Variants in ZNF257 observed in about 807,000 individuals in gnomAD.
ZNF257 encodes zinc finger protein 257.
Under a neutral mutation model 11.9 loss-of-function variants are expected in ZNF257, and 12 were observed. That is an observed-to-expected ratio of 1.01 (90% CI 0.65 to 1.63). The LOEUF (loss-of-function observed/expected upper bound fraction) is 1.63, where lower values mean the gene tolerates loss of function less well. Among genes scored for constraint, ZNF257 ranks in the 40% most tolerant of loss-of-function variants. The probability of loss-of-function intolerance (pLI) is 0.00; values close to 1 mark genes in which losing one functional copy is unlikely to be tolerated. For missense variants in ZNF257, 580 were observed against 665.5 expected (o/e 0.87, Z 1.41); for synonymous variants, 183 against 222.7 (o/e 0.82, Z 1.59).
rs1025045319 is a variant in ZNF257, at chr19:22,090,958, G to T, written c.*1516G>T. The stretch of plus-strand genomic sequence containing the variant: ...AGTCTAAGTGAAGAGGTTCTTTGTG[G>T]TTAACTTAGTGATGTATGAAGTAGT... On this transcript the variant is annotated 3_prime_UTR_variant, in exon 4 of 4. Coordinates refer to ENST00000594947, the MANE Select transcript of ZNF257 (RefSeq NM_033468.4). The T allele has an allele frequency of 6.6e-6, 1 of 152,090 alleles. No individual in the cohort carries two copies. The highest frequency in any genetic ancestry group is 6.6e-5 in the Admixed American group (1 of 15,262). The allele number at this position is 152,090 out of a possible 1,614,324, so 9.4% of individuals were successfully genotyped here.
intron 2 of ZNF257, 136 bp downstream of exon 2, chr19:22,073,071 C>A: frequency 9.3e-7 from 1 of 1,080,402 alleles, no homozygotes; most frequent in Non-Finnish European, 1.3e-6. Flanking sequence ...AGTTTCATAT[C>A]CCTGTTTTCA....
chr19:22,060,284 A>T (rs539187749), intron 1 of ZNF257, among the ~76,000 whole-genome samples: 1 of 152,314 alleles, frequency 6.6e-6, no homozygotes, highest in South Asian at 2.1e-4. Flanking sequence ...GTGTATAAGC[A>T]TTCCTTTTAC....
At chr19:22,082,233 T>C (rs1750488416) in intron 3 of ZNF257, among the ~76,000 whole-genome samples, 1 of 152,190 alleles carries the variant, frequency 6.6e-6, no homozygotes, top group African/African-American at 2.4e-5. Context: ...ATCATTATAA[T>C]AGTAAAGGAT....
intron 1 of ZNF257, among the ~76,000 whole-genome samples, chr19:22,063,130 T>A (rs1226612502): frequency 6.6e-6 from 1 of 152,222 alleles, no homozygotes; most frequent in African/African-American, 2.4e-5. Context: ...TATTTATTAC[T>A]ATTAGATTTC....
At chr19:22,064,061 T>C (rs574528215) in intron 1 of ZNF257, 3 of 152,328 alleles carry the variant, frequency 2.0e-5, no homozygotes, top group South Asian at 4.1e-4. Flanking sequence ...TTCTCTCTTC[T>C]GCTTTTTTCC....
At chr19:22,052,749 C>A in intron 1 of ZNF257, 114 bp downstream of exon 1, 5 of 1,327,380 alleles carry the variant, frequency 3.8e-6, no homozygotes, top group African/African-American at 1.5e-5. Context: ...CATCTGCGCC[C>A]GAGTTTTCCT....
At chr19:22,067,664 GTC>G (rs1418059978) in intron 1 of ZNF257, among the ~76,000 whole-genome samples, 1 of 151,568 alleles carries the variant, frequency 6.6e-6, no homozygotes. Flanking sequence ...GTGAAACCCT[GTC>G]TCTGCTAAAA....
chr19:22,052,696 A>G lies in ZNF257; in HGVS notation c.3+61A>G. 6 of 1,589,538 alleles carry G rather than the reference A, an allele frequency of 3.8e-6. No homozygotes were observed. In the South Asian group the frequency reaches 6.6e-5, roughly 18 times the overall value. Reference sequence around the variant, plus strand: ...AAGGGGGTGGTTGGAACCTGTGGGAAGTCGCTGTGGCGGGACTCAGGCCTC... The same window carrying G: ...AAGGGGGTGGTTGGAACCTGTGGGAGGTCGCTGTGGCGGGACTCAGGCCTC... On this transcript the variant is annotated intron_variant, in intron 1 of 3. Coordinates refer to ENST00000594947, the MANE Select transcript of ZNF257 (RefSeq NM_033468.4).
rs2022622039 is a variant in ZNF257, at chr19:22,091,358, AT to A, written c.*1918del. On this transcript the variant is annotated 3_prime_UTR_variant, in exon 4 of 4. Coordinates refer to ENST00000594947, the MANE Select transcript of ZNF257 (RefSeq NM_033468.4). ...GCCTGAAATCCCAGCTATTTGGGAG[AT>A]TGAGGCAAGAGAATCACGTGTACCC... 6.8e-6 allele frequency: 1 copy of A among 147,446 alleles called. No individual in the cohort carries two copies. The allele number at this position is 147,446 out of a possible 1,614,324, so 9.1% of individuals were successfully genotyped here. A position where few individuals can be genotyped will look rare whatever the true frequency, so the allele number is the denominator to read the frequency against.
chr19:22,088,605 C>T lies in ZNF257; in HGVS notation c.855C>T (p.Phe285=). Residue 285 remains phenylalanine, a synonymous_variant, in exon 4 of 4, where the codon TTC becomes TTT. Coordinates refer to ENST00000594947, the MANE Select transcript of ZNF257 (RefSeq NM_033468.4). ...HKRIHNREKP[F]KYDECCKAFK... ...GAATTCATAATAGAGAGAAGCCCTT[C>T]AAATATGATGAATGTTGCAAAGCCT... is the stretch of plus-strand genomic sequence containing the variant. The T allele has an allele frequency of 6.2e-7, 1 of 1,612,948 alleles. No individual in the cohort carries two copies. The highest frequency in any genetic ancestry group is 1.7e-5 in the Admixed American group (1 of 59,888).
Position 22,091,156 on chromosome 19 carries a change from G to A in ZNF257, c.*1714G>A, listed in dbSNP as rs748187278. Reference sequence around the variant, plus strand: ...ATAATTAAATATTTTCTTTTACCACGTTAAGACTATTGTACGTTCAGGCCG... The same window carrying A: ...ATAATTAAATATTTTCTTTTACCACATTAAGACTATTGTACGTTCAGGCCG... On this transcript the variant is annotated 3_prime_UTR_variant, in exon 4 of 4. Coordinates refer to ENST00000594947, the MANE Select transcript of ZNF257 (RefSeq NM_033468.4). The A allele has an allele frequency of 6.6e-6, 1 of 151,820 alleles. No individual in the cohort carries two copies. Among genetic ancestry groups the A allele is most frequent in the Non-Finnish European group, 1.5e-5 (1 of 67,980 alleles). 9.4% of individuals were successfully genotyped at this position (151,820 alleles called of 1,614,324 possible).
chr19:22,070,992 AT>A (rs1568484433), intron 1 of ZNF257, among the ~76,000 whole-genome samples: 2 of 152,068 alleles, frequency 1.3e-5, no homozygotes, highest in Admixed American at 6.6e-5. Flanking sequence ...GGTTTTGTTT[AT>A]TGTTTTAGGT....
In ZNF257 at chr19:22,052,546, C is replaced by T. The variant is rs1971728220; in HGVS notation, c.-87C>T. 1 of 1,520,070 alleles carries T rather than the reference C, an allele frequency of 6.6e-7. No homozygotes were observed. The allele number at this position is 1,520,070 out of a possible 1,614,324, so 94.2% of individuals were successfully genotyped here. ...TCTTCCCTGGTCTGTGTCCTCTTCT[C>T]CTAGGGGCCCAGCCTCTGTGGCCCT... On this transcript the variant is annotated 5_prime_UTR_variant, in exon 1 of 4. Coordinates refer to ENST00000594947, the MANE Select transcript of ZNF257 (RefSeq NM_033468.4).
intron 3 of ZNF257, among the ~76,000 whole-genome samples, chr19:22,086,536 G>T (rs1331344235): frequency 2.0e-5 from 3 of 151,812 alleles, no homozygotes; most frequent in Admixed American, 2.0e-4. Flanking sequence ...ATTATGTGTT[G>T]ATTTCTTGCA....
At chr19:22,077,881 C>A (rs1388678912) in intron 3 of ZNF257, among the ~76,000 whole-genome samples, 3 of 151,978 alleles carry the variant, frequency 2.0e-5, no homozygotes, top group Non-Finnish European at 2.9e-5. Context: ...TTTTCACCAA[C>A]AATCGACATG....
At position 22,080,644 on chromosome 19, in the gene ZNF257, A is replaced by C. The variant is rs149705640; in HGVS notation, c.226+7080A>C. Among the ~76,000 whole-genome samples the C allele has an allele frequency of 1.1e-4, 17 of 151,972 alleles. No individual in the cohort carries two copies. The East Asian group carries it at 1.9e-3, about 17-fold the overall frequency. The stretch of plus-strand genomic sequence containing the variant: ...GCTTCCTGTGTATTCAAAATAATTT[A>C]TACAGTCTATAATGTTTTCTAAGTT... On this transcript the variant is annotated intron_variant, in intron 3 of 3. Coordinates refer to ENST00000594947, the MANE Select transcript of ZNF257 (RefSeq NM_033468.4).
chr19:22,072,709 C>A (rs1242326424), intron 1 of ZNF257, 100 bp from the exon 2 acceptor site: 2 of 1,396,004 alleles, frequency 1.4e-6, no homozygotes, highest in African/African-American at 1.5e-5. Context: ...AAGGCAGAAC[C>A]TGTTCTCTCT....
chr19:22,055,248 C>T (rs933559245), intron 1 of ZNF257, among the ~76,000 whole-genome samples: 6 of 151,986 alleles, frequency 3.9e-5, no homozygotes, highest in African/African-American at 9.7e-5. Context: ...GCTCTGTTGC[C>T]GAGGCTGGAG....
intron 3 of ZNF257, among the ~76,000 whole-genome samples, chr19:22,087,144 T>C (rs900380883): frequency 1.3e-5 from 2 of 151,782 alleles, no homozygotes; most frequent in African/African-American, 4.8e-5. Context: ...TTTATAATGA[T>C]TGCTTTCTGA....
Sources: allele counts gnomAD v4.1 joint callset (sites outside exome capture counted in the v4.1 genomes callset), GRCh38; gene constraint gnomAD v4.1.1; transcripts MANE v1.5; gene names NCBI Gene and HGNC (gene_info 2026-07-23, HGNC 2026-07-21).